The following SNX29 variants were observed in gnomAD, a reference collection of about 807,000 sequenced individuals.
SNX29 encodes sorting nexin-29.
SNX29 carries 78 observed loss-of-function variants against 102.1 expected under a neutral mutation model. The observed-to-expected ratio is 0.76, with a 90% CI of 0.64 to 0.92. SNX29 has a LOEUF of 0.92. Among genes scored for constraint, SNX29 ranks in the 40% least tolerant of loss-of-function variants. SNX29 has a pLI of 0.00. For synonymous variants in SNX29, 580 were observed against 414.5 expected (o/e 1.40, Z -4.85); for missense variants, 1,280 against 1,061.7 (o/e 1.21, Z -2.86).
At chr16:12,070,850 T>G (rs1290788399) in intron 10 of SNX29, among the ~76,000 whole-genome samples, 1 of 152,264 alleles carries the variant, frequency 6.6e-6, no homozygotes, top group African/African-American at 2.4e-5. Context: ...TCCTGACTTT[T>G]TAATGATTGC....
chr16:12,542,777 C>G (rs1220334796), intron 20 of SNX29, among the ~76,000 whole-genome samples: 2 of 146,718 alleles, frequency 1.4e-5, no homozygotes, highest in Non-Finnish European at 3.0e-5. Flanking sequence ...TTTTTTTAAA[C>G]AAAGTATTAG....
chr16:12,233,295 A>G (rs1032455590), intron 14 of SNX29, among the ~76,000 whole-genome samples: 7 of 152,218 alleles, frequency 4.6e-5, no homozygotes, highest in African/African-American at 1.7e-4. Context: ...CAGCAGTATG[A>G]ATGCAGCTGG....
At chr16:12,519,197 C>T (rs1238121822) in intron 19 of SNX29, among the ~76,000 whole-genome samples, 1 of 152,170 alleles carries the variant, frequency 6.6e-6, no homozygotes, top group Non-Finnish European at 1.5e-5. Flanking sequence ...TTGCTCAGGC[C>T]ATACAAAACA....
chr16:11,984,712 G>A (rs2055540041), intron 1 of SNX29, among the ~76,000 whole-genome samples: 3 of 152,020 alleles, frequency 2.0e-5, no homozygotes, highest in Admixed American at 2.0e-4. Flanking sequence ...GGAATGCAGT[G>A]GTGATACAAT....
chr16:12,013,496 A>ATATATATAT (rs2056729400), intron 3 of SNX29, among the ~76,000 whole-genome samples: 1 of 31,600 alleles, frequency 3.2e-5, no homozygotes, highest in African/African-American at 1.4e-4. Flanking sequence ...GGGAAAAAAA[A>ATATATATAT]AAAAATATAT....
chr16:12,210,740 A>G (rs73504103), intron 14 of SNX29, among the ~76,000 whole-genome samples: 32,556 of 150,544 alleles, frequency 0.22, 3,637 homozygotes, highest in East Asian at 0.28. Context: ...TCCCTCCCTC[A>G]TTCCCTCCCT....
intron 2 of SNX29, chr16:12,000,297 A>T (rs2056239814): frequency 6.6e-6 from 1 of 152,478 alleles, no homozygotes; most frequent in Non-Finnish European, 1.5e-5. Flanking sequence ...CCTTCTAACA[A>T]CACTGTGAGA....
In SNX29 at chr16:12,058,790, G is replaced by A. The variant is rs561087679; in HGVS notation, c.1125-2738G>A. The stretch of plus-strand genomic sequence containing the variant: ...ATTACAGGTGTGAGCCACAGCACCC[G>A]GCCTGGGTTTTTTTTTTTTTTTTTT... On this transcript the variant is annotated intron_variant, in intron 8 of 20. Coordinates refer to ENST00000566228, the MANE Select transcript of SNX29 (RefSeq NM_032167.5). Among the ~76,000 whole-genome samples the A allele has an allele frequency of 7.7e-4, 109 of 141,030 alleles. 3 individuals are homozygous for A. The highest frequency in any genetic ancestry group is 6.2e-3 in the Admixed American group (84 of 13,584). 92.5% of individuals were successfully genotyped at this position (141,030 alleles called of 152,430 possible).
intron 18 of SNX29, among the ~76,000 whole-genome samples, chr16:12,438,666 G>A (rs981901651): frequency 9.2e-5 from 14 of 152,234 alleles, no homozygotes; most frequent in African/African-American, 2.7e-4. Flanking sequence ...CAGCTCAGAG[G>A]TAAGAGCTTG....
At position 12,303,864 on chromosome 16, in the gene SNX29, C is replaced by T. The variant is rs114223284; in HGVS notation, c.1782+25828C>T. ...GTCACAGCTGAGTCCTTGAGAATGA[C>T]GTGCACCTTCTGGTTTATCACAGTA... On this transcript the variant is annotated intron_variant, in intron 15 of 20. Coordinates refer to ENST00000566228, the MANE Select transcript of SNX29 (RefSeq NM_032167.5). Among the ~76,000 whole-genome samples, 394 of 152,296 alleles carry T rather than the reference C, an allele frequency of 2.6e-3. 2 individuals are homozygous for T. The highest frequency in any genetic ancestry group is 8.6e-3 in the African/African-American group (357 of 41,558).
At chr16:12,195,499 T>A (rs2076750801) in intron 13 of SNX29, among the ~76,000 whole-genome samples, 3 of 152,046 alleles carry the variant, frequency 2.0e-5, no homozygotes, top group Admixed American at 2.0e-4. Flanking sequence ...CCTAAGGGGG[T>A]TGGCAGCAGA....
intron 18 of SNX29, among the ~76,000 whole-genome samples, chr16:12,431,041 G>A (rs1164598175): frequency 2.0e-5 from 3 of 152,022 alleles, no homozygotes; most frequent in Non-Finnish European, 2.9e-5. Flanking sequence ...TAGTAGAGAC[G>A]GAGTTTCACC....
chr16:11,981,489 G>T (rs753332941), intron 1 of SNX29, among the ~76,000 whole-genome samples: 16 of 151,882 alleles, frequency 1.1e-4, no homozygotes, highest in Non-Finnish European at 1.9e-4. Context: ...TTTCCCCCTT[G>T]CATTTGTTGT....
intron 18 of SNX29, among the ~76,000 whole-genome samples, chr16:12,469,399 G>A (rs1364155257): frequency 6.6e-6 from 1 of 152,190 alleles, no homozygotes; most frequent in African/African-American, 2.4e-5. Flanking sequence ...CATTAACACA[G>A]GCCTTGAACC....
At chr16:12,356,459 A>T (rs1170280552) in intron 16 of SNX29, among the ~76,000 whole-genome samples, 180 bp downstream of exon 16, 4 of 152,204 alleles carry the variant, frequency 2.6e-5, no homozygotes, top group African/African-American at 9.7e-5. Context: ...GTAAAATGTT[A>T]CAAGTTCTGT....
At chr16:12,118,108 C>G (rs934719479) in intron 11 of SNX29, among the ~76,000 whole-genome samples, 12 of 151,738 alleles carry the variant, frequency 7.9e-5, no homozygotes, top group Non-Finnish European at 1.6e-4. Context: ...AAAATAAAAA[C>G]AAAGAAAAAA....
At position 12,111,423 on chromosome 16, in the gene SNX29, C is replaced by T. The variant is rs369394746; in HGVS notation, c.1403-15210C>T. ...TTGCCAGCCACACTGGCCTTTGAGCCGTTCCTCAGACTTGCCAAGTTCCTT... is the reference window on the plus strand; with the variant it reads ...TTGCCAGCCACACTGGCCTTTGAGCTGTTCCTCAGACTTGCCAAGTTCCTT... On this transcript the variant is annotated intron_variant, in intron 11 of 20. Coordinates refer to ENST00000566228, the MANE Select transcript of SNX29 (RefSeq NM_032167.5). Among the ~76,000 whole-genome samples the T allele has an allele frequency of 9.8e-5, 15 of 152,308 alleles. No homozygotes were observed. In the East Asian group the frequency reaches 1.5e-3, roughly 16 times the overall value.
At chr16:12,563,890 T>C (rs770169187) in intron 20 of SNX29, among the ~76,000 whole-genome samples, 5 of 152,348 alleles carry the variant, frequency 3.3e-5, no homozygotes, top group African/African-American at 4.8e-5. Flanking sequence ...CTTGGGCCTC[T>C]GCCGTCTCTG....
chr16:12,558,008 G>C (rs952972342), intron 20 of SNX29, among the ~76,000 whole-genome samples: 1 of 152,152 alleles, frequency 6.6e-6, no homozygotes, highest in African/African-American at 2.4e-5. Flanking sequence ...TGGGCTGGGT[G>C]CTGCAGTGGG....
Sources: allele counts gnomAD v4.1 joint callset (sites outside exome capture counted in the v4.1 genomes callset), GRCh38; gene constraint gnomAD v4.1.1; transcripts MANE v1.5; gene names NCBI Gene and HGNC (gene_info 2026-07-23, HGNC 2026-07-21).